DLG2: variants seen among roughly 807,000 people sequenced by gnomAD.
DLG2 encodes discs large MAGUK scaffold protein 2.
A neutral mutation model predicts 132.5 loss-of-function variants in DLG2; 45 were observed. That is an observed-to-expected ratio of 0.34 (90% CI 0.27 to 0.44). DLG2 has a LOEUF of 0.44. Ranked by LOEUF, DLG2 falls within the 20% of genes least tolerant of loss-of-function variation. The pLI, the probability that DLG2 is intolerant of heterozygous loss-of-function variation, is 1.00. For missense variants in DLG2, 1,045 were observed against 1,196.9 expected (o/e 0.87, Z 1.87); for synonymous variants, 424 against 419.6 (o/e 1.01, Z -0.13).
At chr11:83,845,262 T>C (rs868570257) in intron 16 of DLG2, among the ~76,000 whole-genome samples, 18 of 152,262 alleles carry the variant, frequency 1.2e-4, no homozygotes, top group Middle Eastern at 6.8e-3. Flanking sequence ...ATCAAAAAGA[T>C]CTTTTTAGTA....
chr11:84,388,104 G>A (rs1460644807), intron 7 of DLG2, among the ~76,000 whole-genome samples: 1 of 152,056 alleles, frequency 6.6e-6, no homozygotes, highest in Non-Finnish European at 1.5e-5. Flanking sequence ...CATACACTGG[G>A]GACGTATAAT....
chr11:84,077,069 C>A (rs2096839412), intron 10 of DLG2, among the ~76,000 whole-genome samples: 1 of 152,176 alleles, frequency 6.6e-6, no homozygotes, highest in Admixed American at 6.5e-5. Flanking sequence ...CCAGCCTCTA[C>A]TTAAGTCATC....
At chr11:84,456,085 A>C (rs1230104842) in intron 7 of DLG2, among the ~76,000 whole-genome samples, 1 of 151,342 alleles carries the variant, frequency 6.6e-6, no homozygotes, top group African/African-American at 2.4e-5. Context: ...TTGCATGAAA[A>C]GCCTGTTGAC....
At chr11:85,302,115 A>G (rs2079621655) in intron 3 of DLG2, among the ~76,000 whole-genome samples, 1 of 152,172 alleles carries the variant, frequency 6.6e-6, no homozygotes, top group Non-Finnish European at 1.5e-5. Context: ...GGTAGACTCA[A>G]TAGGATTCTG....
chr11:84,516,101 A>C (rs781288316), intron 7 of DLG2, among the ~76,000 whole-genome samples: 1 of 149,732 alleles, frequency 6.7e-6, no homozygotes, highest in Non-Finnish European at 1.5e-5. Context: ...TTAAGAGGCA[A>C]GTTTATAGCA....
chr11:83,822,987 T>C (rs745981025), intron 17 of DLG2, among the ~76,000 whole-genome samples: 1 of 152,086 alleles, frequency 6.6e-6, no homozygotes, highest in Non-Finnish European at 1.5e-5. Flanking sequence ...TCTTCTTGAA[T>C]AAAACAGCAG....
At chr11:84,648,681 A>C (rs1350419329) in intron 6 of DLG2, among the ~76,000 whole-genome samples, 1 of 151,862 alleles carries the variant, frequency 6.6e-6, no homozygotes, top group Non-Finnish European at 1.5e-5. Context: ...GGTTATTGAA[A>C]AGAGCTTGGC....
intron 3 of DLG2, among the ~76,000 whole-genome samples, chr11:85,493,338 GCTCT>G (rs2093604062): frequency 6.6e-6 from 1 of 152,106 alleles, no homozygotes; most frequent in Non-Finnish European, 1.5e-5. Context: ...TGCAATTGCT[GCTCT>G]CTCTGCTTTT....
intron 7 of DLG2, among the ~76,000 whole-genome samples, chr11:84,424,317 A>G (rs1248508418): frequency 6.6e-6 from 1 of 152,118 alleles, no homozygotes; most frequent in Non-Finnish European, 1.5e-5. Context: ...GTTGTTCAAA[A>G]TAGTCCTACT....
At chr11:85,392,679 C>T (rs1209974323) in intron 3 of DLG2, among the ~76,000 whole-genome samples, 2 of 152,094 alleles carry the variant, frequency 1.3e-5, no homozygotes, top group Non-Finnish European at 1.5e-5. Context: ...TACTCACAGT[C>T]ACCTGATCTT....
intron 6 of DLG2, among the ~76,000 whole-genome samples, chr11:85,003,533 A>G (rs1481054280): frequency 6.6e-6 from 1 of 152,184 alleles, no homozygotes; most frequent in Non-Finnish European, 1.5e-5. Flanking sequence ...ATTTAATCTT[A>G]TGCATACGTA....
chr11:83,633,610 A>G (rs1462676695), intron 18 of DLG2, among the ~76,000 whole-genome samples: 1 of 152,096 alleles, frequency 6.6e-6, no homozygotes, highest in African/African-American at 2.4e-5. Context: ...ATGGGGGATC[A>G]TGGGAAGGCA....
intron 9 of DLG2, among the ~76,000 whole-genome samples, chr11:84,142,279 C>T (rs2094886357): frequency 6.8e-6 from 1 of 147,108 alleles, no homozygotes; most frequent in African/African-American, 2.5e-5. Context: ...CGAGATCGCT[C>T]CACTGCACTC....
intron 7 of DLG2, among the ~76,000 whole-genome samples, chr11:84,263,601 AG>A (rs2097574611): frequency 6.6e-6 from 1 of 152,170 alleles, no homozygotes; most frequent in Admixed American, 6.5e-5. Flanking sequence ...ATTATTACCA[AG>A]CTCTTTCTTC....
In DLG2 at chr11:85,106,606, C is replaced by T. The variant is rs368842143; in HGVS notation, c.357+5055G>A. 4.7e-4 allele frequency among the ~76,000 whole-genome samples: 71 copies of T among 152,098 alleles called. 1 individual carries two copies. The South Asian group carries it at 0.015, about 31-fold the overall frequency. On this transcript the variant is annotated intron_variant, in intron 6 of 27. Transcript: ENST00000376104. ...GACCTATCCTTTTCTTTCTTTCCTT[C>T]TAGCACTTACTAAGCACTTAATTAT...
At chr11:83,538,032 C>T (rs2095942247) in intron 20 of DLG2, among the ~76,000 whole-genome samples, 1 of 151,958 alleles carries the variant, frequency 6.6e-6, no homozygotes, top group Non-Finnish European at 1.5e-5. Flanking sequence ...TGTGTTGATA[C>T]AATTAGAATA....
intron 18 of DLG2, among the ~76,000 whole-genome samples, chr11:83,771,889 T>C (rs72956204): frequency 5.5e-4 from 84 of 152,346 alleles, no homozygotes; most frequent in Non-Finnish European, 1.1e-3. Context: ...GTCTATGATA[T>C]GAAACTGGTT....
intron 3 of DLG2, among the ~76,000 whole-genome samples, chr11:85,590,686 C>G (rs2153231954): frequency 6.6e-6 from 1 of 151,308 alleles, no homozygotes; most frequent in African/African-American, 2.4e-5. Context: ...GAAAGTAGTT[C>G]AACAACAAAA....
intron 3 of DLG2, among the ~76,000 whole-genome samples, chr11:85,461,506 G>A (rs1194993597): frequency 2.0e-5 from 3 of 152,248 alleles, no homozygotes; most frequent in Admixed American, 1.3e-4. Context: ...CATGAGTGGA[G>A]TATATACTGT....
Sources: allele counts gnomAD v4.1 joint callset (sites outside exome capture counted in the v4.1 genomes callset), GRCh38; gene constraint gnomAD v4.1.1; transcripts MANE v1.5; gene names NCBI Gene and HGNC (gene_info 2026-07-23, HGNC 2026-07-21).